The following MYO9B variants were observed in gnomAD, a reference collection of about 807,000 sequenced individuals.
The protein encoded by MYO9B is myosin IXB, also known as unconventional myosin-IXb.
Under a neutral mutation model 229.5 loss-of-function variants are expected in MYO9B, and 71 were observed. The ratio of observed to expected loss-of-function variants is 0.31; its 90% CI spans 0.26 to 0.38. The LOEUF (loss-of-function observed/expected upper bound fraction) is 0.38, where lower values mean the gene tolerates loss of function less well. Among genes scored for constraint, MYO9B ranks in the 10% least tolerant of loss-of-function variants. The probability of loss-of-function intolerance (pLI) is 1.00; values close to 1 mark genes in which losing one functional copy is unlikely to be tolerated. For synonymous variants in MYO9B, 1,185 were observed against 1,235.8 expected, an observed-to-expected ratio of 0.96 and a Z score of 0.86; for missense variants, 2,255 against 2,920.5, an observed-to-expected ratio of 0.77 and a Z score of 5.25.
intron 37 of MYO9B, 60 bp downstream of exon 37, chr19:17,210,440 TCCCTGGGG>T: frequency 6.7e-7 from 1 of 1,501,218 alleles, no homozygotes; most frequent in Non-Finnish European, 8.9e-7. Context: ...ATGCTGGGGT[TCCCTGGGG>T]CCCTGGGCCC....
At position 17,192,105 on chromosome 19, in the gene MYO9B, G is replaced by A. The variant is rs552406635; in HGVS notation, c.2812-641G>A. Among the ~76,000 whole-genome samples, 292 of 151,584 alleles carry A rather than the reference G, an allele frequency of 1.9e-3. 3 individuals are homozygous for A. The highest frequency in any genetic ancestry group is 0.01 in the Middle Eastern group (3 of 292). On this transcript the variant is annotated intron_variant, in intron 20 of 39. Transcript: ENST00000682292. ...CAAGCAGCTGGGATTACAGGTGCCC[G>A]CCACCACACCTGACTAATTTTTGTA...
chr19:17,168,108 G>T, intron 11 of MYO9B, 44 bp downstream of exon 11: 1 of 1,604,710 alleles, frequency 6.2e-7, no homozygotes, highest in South Asian at 1.1e-5. Flanking sequence ...CTACGCATGG[G>T]CACTGGGTCA....
intron 29 of MYO9B, 126 bp downstream of exon 29, chr19:17,203,009 G>A (rs1394342620): frequency 7.2e-7 from 1 of 1,396,828 alleles, no homozygotes; most frequent in Admixed American, 2.0e-5. Context: ...ACACGTGTGA[G>A]TGTGTTTTTC....
chr19:17,102,145 G>A lies in MYO9B; in HGVS notation c.428G>A (p.Arg143Gln), dbSNP rs745955595. The change falls in exon 2 of 40, where the codon CGG becomes CAG. Residue 143 changes from arginine (R) to glutamine (Q), a missense_variant. Around this residue, in one of 7 missense-constraint regions of MYO9B, gnomAD observed 386 missense variants for 515.2 expected, o/e 0.75. Transcript: ENST00000682292. ...CTAGTGGAGCGTGGCCTCCTGCCACGGCAGCAGGCGGACTTTGATGACCTG... is the reference window on the plus strand; with the variant it reads ...CTAGTGGAGCGTGGCCTCCTGCCACAGCAGCAGGCGGACTTTGATGACCTG... ...RRLVERGLLP[R>Q]QQADFDDLCN... 33 of 1,613,548 alleles carry A rather than the reference G, an allele frequency of 2.0e-5. No individual in the cohort carries two copies. The highest frequency in any genetic ancestry group is 4.5e-5 in the East Asian group (2 of 44,888).
At position 17,168,081 on chromosome 19, in the gene MYO9B, C is replaced by A. The variant is rs751581551; in HGVS notation, c.1793+17C>A. 4.3e-6 allele frequency: 7 copies of A among 1,610,776 alleles called. No homozygotes were observed. Among genetic ancestry groups the A allele is most frequent in the Non-Finnish European group, 5.9e-6 (7 of 1,178,654 alleles). ...GGAGAGCAAGTGAGTGTCCACACCCCGTCCATCCCGGCACATCTACGCATG... is the reference window on the plus strand; with the variant it reads ...GGAGAGCAAGTGAGTGTCCACACCCAGTCCATCCCGGCACATCTACGCATG... On this transcript the variant is annotated intron_variant, in intron 11 of 39. Transcript: ENST00000682292.
intron 1 of MYO9B, among the ~76,000 whole-genome samples, chr19:17,086,050 G>A (rs1318757807): frequency 6.6e-6 from 1 of 152,112 alleles, no homozygotes; most frequent in Non-Finnish European, 1.5e-5. Context: ...GTCAGCTCCC[G>A]CCAAGGCACC....
At chr19:17,206,966 C>G (rs2073169358) in intron 34 of MYO9B, 147 bp from the exon 35 acceptor site, 2 of 1,324,344 alleles carry the variant, frequency 1.5e-6, no homozygotes, top group Non-Finnish European at 2.1e-6. Context: ...TGAGGTACCT[C>G]TCTGTGCTGC....
At chr19:17,115,469 CT>C (rs35124094) in intron 2 of MYO9B, among the ~76,000 whole-genome samples, 2,921 of 132,426 alleles carry the variant, frequency 0.022, 30 homozygotes, top group South Asian at 0.044. Flanking sequence ...TCACAGATGC[CT>C]TTTTTTTTTT....
intron 3 of MYO9B, among the ~76,000 whole-genome samples, chr19:17,149,658 C>T (rs544472870): frequency 5.9e-4 from 90 of 152,322 alleles, no homozygotes; most frequent in African/African-American, 2.1e-3. Context: ...GCAGGTGACA[C>T]TTCTCCATGC....
chr19:17,189,326 TAAAACAAAAC>T (rs112218960), intron 19 of MYO9B, among the ~76,000 whole-genome samples: 5,942 of 151,060 alleles, frequency 0.039, 151 homozygotes, highest in Middle Eastern at 0.096. Context: ...GACCCTGTCT[TAAAACAAAAC>T]AAAACAAAAC....
intron 1 of MYO9B, among the ~76,000 whole-genome samples, chr19:17,088,662 C>T (rs759094383): frequency 1.2e-4 from 19 of 152,080 alleles, no homozygotes; most frequent in Non-Finnish European, 2.4e-4. Context: ...GGAAGCAGCC[C>T]CACTTACTTT....
At chr19:17,159,721 C>T (rs1051925683) in intron 8 of MYO9B, among the ~76,000 whole-genome samples, 1 of 152,268 alleles carries the variant, frequency 6.6e-6, no homozygotes, top group South Asian at 2.1e-4. Context: ...TCCAGATGTT[C>T]CGTGTGCATG....
chr19:17,190,859 G>A (rs1421076125), intron 19 of MYO9B, among the ~76,000 whole-genome samples: 1 of 151,948 alleles, frequency 6.6e-6, no homozygotes, highest in Non-Finnish European at 1.5e-5. Flanking sequence ...TGGCCAAGCT[G>A]GTCTCGAACT....
Position 17,193,420 on chromosome 19 carries a change from G to A in MYO9B, c.3128+358G>A, listed in dbSNP as rs1370949265. Among the ~76,000 whole-genome samples the A allele has an allele frequency of 6.6e-6, 1 of 152,152 alleles. No individual in the cohort carries two copies. Among genetic ancestry groups the A allele is most frequent in the Non-Finnish European group, 1.5e-5 (1 of 68,024 alleles). On this transcript the variant is annotated intron_variant, in intron 21 of 39. Coordinates refer to ENST00000682292, the MANE Select transcript of MYO9B (RefSeq NM_004145.4). The surrounding 1 kb of genome is among the most constrained non-coding windows in gnomAD (Gnocchi z 4.3). Reference sequence around the variant, plus strand: ...AGCTGGGGCATCCACCGGGCACAGAGAAGCCCCCAGGAGGATATCAGCAGC... The same window carrying A: ...AGCTGGGGCATCCACCGGGCACAGAAAAGCCCCCAGGAGGATATCAGCAGC...
In MYO9B at chr19:17,102,526, G is replaced by A; in HGVS notation, c.809G>A (p.Arg270Lys). The A allele has an allele frequency of 6.2e-7, 1 of 1,606,744 alleles. No individual in the cohort carries two copies. The highest frequency in any genetic ancestry group is 1.1e-5 in the South Asian group (1 of 90,322). Reference sequence around the variant, plus strand: ...AAGGGCTACGCCAGCGGCGTCGAGAGGACCATCCTGGGTGCTGGCCCTGTG... The same window carrying A: ...AAGGGCTACGCCAGCGGCGTCGAGAAGACCATCCTGGGTGCTGGCCCTGTG... ...SQKGYASGVE[R>K]TILGAGPVLE... is the part of the protein sequence containing the mutation. The change falls in exon 2 of 40, where the codon AGG becomes AAG. Residue 270 changes from arginine (R) to lysine (K), a missense_variant. Arg to Lys is a conservative substitution (Grantham distance 26). Around this residue, in one of 7 missense-constraint regions of MYO9B, gnomAD observed 386 missense variants for 515.2 expected, o/e 0.75. Coordinates refer to ENST00000682292, the MANE Select transcript of MYO9B (RefSeq NM_004145.4).
chr19:17,203,549 G>A (rs146335211), intron 30 of MYO9B, among the ~76,000 whole-genome samples: 2,340 of 151,224 alleles, frequency 0.015, 62 homozygotes, highest in African/African-American at 0.055. Flanking sequence ...GGAGGCGAAG[G>A]TTGCAGTGAG....
In MYO9B at chr19:17,211,641, C is replaced by T. The variant is rs780720052; in HGVS notation, c.5931-6C>T. The T allele has an allele frequency of 6.3e-7, 1 of 1,592,130 alleles. No individual in the cohort carries two copies. Among genetic ancestry groups the T allele is most frequent in the Admixed American group, 1.8e-5 (1 of 55,104 alleles). On this transcript the variant is annotated splice_region_variant and splice_polypyrimidine_tract_variant and intron_variant, in intron 38 of 39. Transcript: ENST00000682292. ...GCCTTGGACACCACTACCCTTTTTCCTCCAGGGAGGACATCACCTACCGGC... is the reference window on the plus strand; with the variant it reads ...GCCTTGGACACCACTACCCTTTTTCTTCCAGGGAGGACATCACCTACCGGC...
At chr19:17,185,266 C>T (rs1303009245) in intron 17 of MYO9B, among the ~76,000 whole-genome samples, 2 of 150,854 alleles carry the variant, frequency 1.3e-5, no homozygotes, top group African/African-American at 4.9e-5. Context: ...CCCAGCTACT[C>T]GGGAGGCTGA....
rs768798853 is a variant in MYO9B, at chr19:17,162,975, C to A, written c.1537-13C>A. The A allele has an allele frequency of 6.2e-7, 1 of 1,607,328 alleles. No homozygotes were observed. Among genetic ancestry groups the A allele is most frequent in the East Asian group, 2.2e-5 (1 of 44,744 alleles). On this transcript the variant is annotated splice_polypyrimidine_tract_variant and intron_variant, in intron 9 of 39. Coordinates refer to ENST00000682292, the MANE Select transcript of MYO9B (RefSeq NM_004145.4). ...CACCTGCGGGCAGTGACCATTTTCT[C>A]TGTCTCTCCCAGTGCCTGTCCATTG...
Sources: allele counts gnomAD v4.1 joint callset (sites outside exome capture counted in the v4.1 genomes callset), GRCh38; gene constraint gnomAD v4.1.1; regional missense constraint gnomAD v4.1.1; non-coding constraint Gnocchi (gnomAD v3.1); transcripts MANE v1.5; gene names NCBI Gene and HGNC (gene_info 2026-07-23, HGNC 2026-07-21).